CACNA2D3: variants seen among roughly 807,000 people sequenced by gnomAD.
The protein encoded by CACNA2D3 is calcium voltage-gated channel auxiliary subunit alpha2delta 3.
CACNA2D3 carries 60 observed loss-of-function variants against 160.6 expected under a neutral mutation model. That is an observed-to-expected ratio of 0.37 (90% confidence interval 0.30 to 0.46). The LOEUF (loss-of-function observed/expected upper bound fraction) is 0.46. CACNA2D3 is among the 20% of genes least tolerant of loss of function. The pLI, the probability that CACNA2D3 is intolerant of heterozygous loss-of-function variation, is 1.00. For synonymous variants in CACNA2D3, 558 were observed against 492.9 expected (o/e 1.13, Z -1.75); for missense variants, 1,205 against 1,365.0 (o/e 0.88, Z 1.85).
chr3:54,717,203 A>G (rs996110310), intron 11 of CACNA2D3, among the ~76,000 whole-genome samples: 1 of 152,102 alleles, frequency 6.6e-6, no homozygotes, highest in African/African-American at 2.4e-5. Context: ...TGGTATGGAC[A>G]TATCATTATT....
At chr3:54,173,119 T>G (rs906000377) in intron 2 of CACNA2D3, among the ~76,000 whole-genome samples, 5 of 152,170 alleles carry the variant, frequency 3.3e-5, no homozygotes, top group African/African-American at 1.2e-4. Context: ...TTCCTCCACC[T>G]TGGGAGAGGC....
chr3:54,241,492 G>C (rs188657288), intron 2 of CACNA2D3, among the ~76,000 whole-genome samples: 3 of 152,238 alleles, frequency 2.0e-5, no homozygotes, highest in East Asian at 3.9e-4. Flanking sequence ...CAAAGGGACT[G>C]TCTGGTAACT....
intron 2 of CACNA2D3, among the ~76,000 whole-genome samples, chr3:54,217,459 A>C (rs945550360): frequency 6.6e-6 from 1 of 152,200 alleles, no homozygotes. Flanking sequence ...TTATTTAGAA[A>C]AAGTGTCTTT....
chr3:54,342,579 T>G (rs941934868), intron 3 of CACNA2D3, among the ~76,000 whole-genome samples: 8 of 152,290 alleles, frequency 5.3e-5, no homozygotes, highest in African/African-American at 7.2e-5. Context: ...TGTGTGAAGC[T>G]GATGCTTCAG....
At chr3:54,486,873 G>T (rs1349195994) in intron 4 of CACNA2D3, among the ~76,000 whole-genome samples, 3 of 152,146 alleles carry the variant, frequency 2.0e-5, no homozygotes, top group Non-Finnish European at 2.9e-5. Context: ...AACAAGGGAG[G>T]AGAGATGCTG....
chr3:54,970,950 C>G (rs1702265038), intron 29 of CACNA2D3, among the ~76,000 whole-genome samples: 3 of 151,922 alleles, frequency 2.0e-5, no homozygotes, highest in African/African-American at 7.3e-5. Flanking sequence ...AATTTCAACC[C>G]AGAAAACATA....
chr3:54,169,244 C>T (rs1447348396), intron 2 of CACNA2D3, among the ~76,000 whole-genome samples: 4 of 152,160 alleles, frequency 2.6e-5, no homozygotes. Flanking sequence ...TGGTCTTGAA[C>T]CTGCAAAAAA....
rs1325194926 is a variant in CACNA2D3 at position 54,933,751 on chromosome 3, T to C, written c.2449+33883T>C. Among the ~76,000 whole-genome samples, 5 of 141,300 alleles carry C rather than the reference T, an allele frequency of 3.5e-5. No individual in the cohort carries two copies. In the South Asian group the frequency reaches 9.2e-4, roughly 26 times the overall value. The allele number at this position is 141,300 out of a possible 152,430, so 92.7% of individuals were successfully genotyped here. A position where few individuals can be genotyped will look rare whatever the true frequency, so the allele number is the denominator to read the frequency against. On this transcript the variant is annotated intron_variant, in intron 27 of 37. Transcript: ENST00000474759. ...AGTAAATATTGAATGAATAAAGATA[T>C]TACTATTACTTTTTTTTTTTTTTTT...
intron 13 of CACNA2D3, among the ~76,000 whole-genome samples, chr3:54,775,710 C>A (rs376182278): frequency 1.5e-3 from 228 of 152,226 alleles, no homozygotes; most frequent in Middle Eastern, 6.8e-3. Flanking sequence ...TATCATATTT[C>A]GGCCTTATTT....
chr3:54,356,397 A>G (rs994913212), intron 3 of CACNA2D3, among the ~76,000 whole-genome samples: 5 of 152,228 alleles, frequency 3.3e-5, no homozygotes, highest in African/African-American at 1.2e-4. Context: ...GTTCAGTGCC[A>G]AGAGGAGGCC....
chr3:54,404,852 T>C (rs1699543423), intron 4 of CACNA2D3, among the ~76,000 whole-genome samples: 1 of 151,894 alleles, frequency 6.6e-6, no homozygotes, highest in African/African-American at 2.4e-5. Context: ...TTCAAGAAAA[T>C]AATCTCATTT....
chr3:54,304,811 C>A (rs560203844), intron 2 of CACNA2D3, among the ~76,000 whole-genome samples: 2 of 152,258 alleles, frequency 1.3e-5, no homozygotes, highest in East Asian at 3.9e-4. Flanking sequence ...AAAGCTATGT[C>A]ACAAAGCAAA....
intron 27 of CACNA2D3, among the ~76,000 whole-genome samples, chr3:54,919,991 C>A (rs1192703362): frequency 6.6e-6 from 1 of 152,184 alleles, no homozygotes; most frequent in African/African-American, 2.4e-5. Context: ...TGCTAGGAAG[C>A]CTTTTGATTG....
At chr3:54,927,810 G>A (rs1219090803) in intron 27 of CACNA2D3, 7 of 1,325,808 alleles carry the variant, frequency 5.3e-6, no homozygotes, top group East Asian at 2.3e-5. Flanking sequence ...TAAGACAGAC[G>A]ACTTGAAAAT....
At chr3:54,975,797 T>A (rs1702377602) in intron 29 of CACNA2D3, among the ~76,000 whole-genome samples, 1 of 152,130 alleles carries the variant, frequency 6.6e-6, no homozygotes, top group South Asian at 2.1e-4. Context: ...ATGTCTTGGT[T>A]CAGATATTAG....
At chr3:54,768,221 T>C (rs1416608771) in intron 13 of CACNA2D3, among the ~76,000 whole-genome samples, 1 of 152,184 alleles carries the variant, frequency 6.6e-6, no homozygotes, top group African/African-American at 2.4e-5. Context: ...TAGTATACTA[T>C]ATATTGGATG....
intron 17 of CACNA2D3, among the ~76,000 whole-genome samples, chr3:54,849,442 G>A (rs1343869847): frequency 6.6e-6 from 1 of 152,168 alleles, no homozygotes; most frequent in Admixed American, 6.5e-5. Flanking sequence ...AGATGAATAA[G>A]TGAAGGGATC....
intron 13 of CACNA2D3, among the ~76,000 whole-genome samples, chr3:54,785,913 C>T (rs1450809792): frequency 6.6e-6 from 1 of 152,126 alleles, no homozygotes; most frequent in Admixed American, 6.5e-5. Context: ...CTGGAACATC[C>T]CTGCAGACTT....
intron 2 of CACNA2D3, among the ~76,000 whole-genome samples, chr3:54,215,864 T>C (rs865794807): frequency 6.7e-6 from 1 of 149,560 alleles, no homozygotes; most frequent in Non-Finnish European, 1.5e-5. Context: ...TATTCTGAGC[T>C]TACTGTTTTC....
Sources: gnomAD v4.1 joint callset for allele counts (sites outside exome capture counted in the v4.1 genomes callset) on GRCh38, gnomAD v4.1.1 for gene constraint, MANE v1.5 for transcripts, NCBI Gene and HGNC (gene_info 2026-07-23, HGNC 2026-07-21) for gene names.